Variants in CACNA1B observed in about 807,000 individuals in gnomAD.
CACNA1B encodes the protein voltage-dependent N-type calcium channel subunit alpha-1B.
A neutral mutation model predicts 247.2 loss-of-function variants in CACNA1B; 70 were observed. That is an observed-to-expected ratio of 0.28 (90% CI 0.23 to 0.35). CACNA1B has a LOEUF of 0.35. Ranked by LOEUF, CACNA1B falls within the 10% of genes least tolerant of loss-of-function variation. CACNA1B has a pLI of 1.00. For missense variants in CACNA1B, 2,367 were observed against 3,197.4 expected (o/e 0.74, Z 6.26); for synonymous variants, 1,231 against 1,294.4 (o/e 0.95, Z 1.05).
At chr9:138,099,665 CGCATGTGCCTGTGTGGGTGT>C (rs1961187320) in intron 37 of CACNA1B, among the ~76,000 whole-genome samples, 1 of 128,786 alleles carries the variant, frequency 7.8e-6, no homozygotes, top group African/African-American at 3.1e-5. Context: ...GCCTGTGGTG[CGCATGTGCCTGTGTGGGTGT>C]GCATGTGTGT....
At chr9:138,003,707 G>T (rs1457941165) in intron 15 of CACNA1B, among the ~76,000 whole-genome samples, 1 of 151,490 alleles carries the variant, frequency 6.6e-6, no homozygotes. Flanking sequence ...GAGCTGGGGG[G>T]TTGAAAGGCA....
chr9:137,940,620 A>G (rs1036332843), intron 6 of CACNA1B, among the ~76,000 whole-genome samples: 1 of 152,220 alleles, frequency 6.6e-6, no homozygotes, highest in African/African-American at 2.4e-5. Context: ...ACCAAAAAAG[A>G]AAACTACAAA....
intron 20 of CACNA1B, among the ~76,000 whole-genome samples, chr9:138,042,920 A>G (rs1159796730): frequency 1.3e-5 from 2 of 152,192 alleles, no homozygotes; most frequent in African/African-American, 4.8e-5. Context: ...AAAGAACTCA[A>G]AATGAGTTGC....
In CACNA1B at chr9:138,072,632, C is replaced by A. The variant is rs1445647732; in HGVS notation, c.4675-856C>A. The stretch of plus-strand genomic sequence containing the variant: ...CAGAGGGCAGAAAGCCTCCTGGGTC[C>A]ACAAGCACCCCCATCTGTGCACGGA... On this transcript the variant is annotated intron_variant, in intron 32 of 46. Coordinates refer to ENST00000371372, the MANE Select transcript of CACNA1B (RefSeq NM_000718.4). The surrounding 1 kb of genome is among the most constrained non-coding windows in gnomAD (Gnocchi z 4.5). Among the ~76,000 whole-genome samples the A allele has an allele frequency of 6.6e-6, 1 of 152,240 alleles. No individual in the cohort carries two copies. The highest frequency in any genetic ancestry group is 6.5e-5 in the Admixed American group (1 of 15,284).
intron 3 of CACNA1B, among the ~76,000 whole-genome samples, chr9:137,898,826 C>T (rs1957200665): frequency 1.3e-5 from 2 of 151,910 alleles, no homozygotes; most frequent in African/African-American, 4.8e-5. Flanking sequence ...GGACTATAGG[C>T]ACCCGTCCCC....
In CACNA1B at chr9:138,024,937, G is replaced by A. The variant is rs202062233; in HGVS notation, c.3069-18G>A. 386 of 1,543,432 alleles carry A rather than the reference G, an allele frequency of 2.5e-4. No individual in the cohort carries two copies. The highest frequency in any genetic ancestry group is 3.3e-4 in the Non-Finnish European group (380 of 1,137,346). On this transcript the variant is annotated intron_variant, in intron 19 of 46. Coordinates refer to ENST00000371372, the MANE Select transcript of CACNA1B (RefSeq NM_000718.4). ...GTGAGCCACTGCGCCGAGGCCTGAT[G>A]TACATTCTTGATTGCAGGGAGCCAC...
At chr9:137,907,857 G>A (rs1040287355) in intron 3 of CACNA1B, among the ~76,000 whole-genome samples, 5 of 152,142 alleles carry the variant, frequency 3.3e-5, no homozygotes, top group African/African-American at 1.2e-4. Flanking sequence ...TGATACACCT[G>A]GAATTTATGT....
chr9:137,909,170 A>G (rs984702573), intron 3 of CACNA1B, among the ~76,000 whole-genome samples: 29 of 151,974 alleles, frequency 1.9e-4, no homozygotes, highest in African/African-American at 5.6e-4. Flanking sequence ...TTGTATTTTT[A>G]GTAGAGACGG....
intron 22 of CACNA1B, 85 bp downstream of exon 22, chr9:138,047,118 G>C (rs1036879995): frequency 3.0e-6 from 4 of 1,319,228 alleles, no homozygotes; most frequent in Non-Finnish European, 4.2e-6. Context: ...GCTGGGGTGG[G>C]GCTGAGGTCC....
intron 37 of CACNA1B, chr9:138,101,243 G>A (rs746388095): frequency 2.4e-4 from 123 of 502,438 alleles, no homozygotes; most frequent in Non-Finnish European, 4.3e-4. Flanking sequence ...TTCCCTGCCC[G>A]AAACGCACAC....
intron 6 of CACNA1B, among the ~76,000 whole-genome samples, chr9:137,935,262 C>G (rs1957652628): frequency 6.6e-6 from 1 of 152,126 alleles, no homozygotes; most frequent in Non-Finnish European, 1.5e-5. Context: ...ATACCCCCCA[C>G]CCCATGACAG....
At chr9:138,109,846 G>A (rs980543396) in intron 39 of CACNA1B, among the ~76,000 whole-genome samples, 3 of 152,134 alleles carry the variant, frequency 2.0e-5, no homozygotes, top group East Asian at 1.9e-4. Flanking sequence ...CAAAGCAGGC[G>A]GATTACCTGA....
Position 137,881,979 on chromosome 9 carries a change from T to C in CACNA1B, c.391-765T>C, listed in dbSNP as rs1015774646. ...ACGCCCTCTGGGAGGCTCCCTGCGG[T>C]CTGAGCCCAGGGTGGCTCCCAGCTT... On this transcript the variant is annotated intron_variant, in intron 2 of 46. Transcript: ENST00000371372. This position sits in a 1 kb window ranked among gnomAD's most constrained non-coding sequence, Gnocchi z 4.3. 2.6e-5 allele frequency among the ~76,000 whole-genome samples: 4 copies of C among 152,142 alleles called. No homozygotes were observed. Among genetic ancestry groups the C allele is most frequent in the African/African-American group, 4.8e-5 (2 of 41,442 alleles).
At chr9:138,086,595 C>A (rs1037456885) in intron 36 of CACNA1B, among the ~76,000 whole-genome samples, 1 of 151,200 alleles carries the variant, frequency 6.6e-6, no homozygotes, top group Non-Finnish European at 1.5e-5. Context: ...GGAATCAATT[C>A]AGCAAGAAAA....
chr9:138,093,187 A>T (rs1038392470), intron 36 of CACNA1B, among the ~76,000 whole-genome samples: 9 of 152,152 alleles, frequency 5.9e-5, no homozygotes, highest in African/African-American at 1.9e-4. Context: ...TTGGAGGCCG[A>T]GGTAGACAGA....
At chr9:137,943,050 C>CT (rs58509237) in intron 6 of CACNA1B, among the ~76,000 whole-genome samples, 44,252 of 136,050 alleles carry the variant, frequency 0.33, 8,650 homozygotes, top group East Asian at 0.65. Context: ...GAGTTTCAAA[C>CT]TTTTTTTTTT....
At chr9:137,889,231 G>A (rs1957061152) in intron 3 of CACNA1B, among the ~76,000 whole-genome samples, 1 of 150,414 alleles carries the variant, frequency 6.6e-6, no homozygotes, top group African/African-American at 2.4e-5. Context: ...GAACTCTTCT[G>A]CCACAGGCTC....
chr9:138,030,305 T>C (rs943896419), intron 20 of CACNA1B, among the ~76,000 whole-genome samples: 1 of 152,102 alleles, frequency 6.6e-6, no homozygotes, highest in African/African-American at 2.4e-5. Flanking sequence ...AGAATTTTTG[T>C]GGTGAGTGGA....
chr9:138,017,875 A>G (rs1300260923), intron 18 of CACNA1B, among the ~76,000 whole-genome samples: 1 of 152,222 alleles, frequency 6.6e-6, no homozygotes, highest in Non-Finnish European at 1.5e-5. Context: ...CAGGCCCTGC[A>G]GGTGAGGGGT....
Sources: gnomAD v4.1 joint callset for allele counts (sites outside exome capture counted in the v4.1 genomes callset) on GRCh38, gnomAD v4.1.1 for gene constraint, Gnocchi (gnomAD v3.1) non-coding constraint, MANE v1.5 for transcripts, NCBI Gene and HGNC (gene_info 2026-07-23, HGNC 2026-07-21) for gene names.